The following NME1 variants were observed in gnomAD, a reference collection of about 807,000 sequenced individuals.
The protein encoded by NME1 is nucleoside diphosphate kinase A.
NME1 carries 9 observed loss-of-function variants against 17.2 expected under a neutral mutation model. The ratio of observed to expected loss-of-function variants is 0.52; its 90% CI spans 0.32 to 0.92. The LOEUF (loss-of-function observed/expected upper bound fraction) is 0.92. Among genes scored for constraint, NME1 ranks in the 40% least tolerant of loss-of-function variants. NME1 has a pLI of 0.04. For missense variants in NME1, 169 were observed against 201.7 expected (o/e 0.84, Z 0.98); for synonymous variants, 72 against 70.8 (o/e 1.02, Z -0.09).
chr17:51,161,056 AT>A (rs2049857282), intron 3 of NME1, 103 bp from the exon 4 acceptor site: 1 of 1,146,510 alleles, frequency 8.7e-7, no homozygotes, highest in Admixed American at 2.0e-5. Context: ...AATGAATATA[AT>A]CTTAAGGGGC....
Position 51,161,937 on chromosome 17 carries a change from A to C in NME1, c.*92A>C. 1.3e-5 allele frequency: 11 copies of C among 856,474 alleles called. No homozygotes were observed. Among genetic ancestry groups the C allele is most frequent in the Non-Finnish European group, 2.2e-5 (11 of 501,796 alleles). 53.1% of individuals were successfully genotyped at this position (856,474 alleles called of 1,614,324 possible). Reference sequence around the variant, plus strand: ...TGTAGGAAATCTAGTTATTTACAGGAACTTCATCATAATTTGGAGGGAAGC... The same window carrying C: ...TGTAGGAAATCTAGTTATTTACAGGCACTTCATCATAATTTGGAGGGAAGC... On this transcript the variant is annotated 3_prime_UTR_variant, in exon 5 of 5. Transcript: ENST00000393196.
chr17:51,155,727 A>C lies in NME1; in HGVS notation c.73A>C (p.Ile25Leu), dbSNP rs1277309552. 6.2e-7 allele frequency: 1 copy of C among 1,614,188 alleles called. No homozygotes were observed. Among genetic ancestry groups the C allele is most frequent in the South Asian group, 1.1e-5 (1 of 91,086 alleles). Residue 25 changes from isoleucine (I) to leucine (L), a missense_variant, in exon 2 of 5, where the codon ATC becomes CTC. Physicochemically the swap from Ile to Leu is conservative, Grantham distance 5. Transcript: ENST00000393196. The part of the protein sequence containing the change: ...GVQRGLVGEI[I>L]KRFEQKGFRL... ...CCAGCGGGGTCTTGTGGGAGAGATT[A>C]TCAAGCGTTTTGAGCAGAAAGGATT...
At chr17:51,155,597 C>T (rs1017236409) in intron 1 of NME1, 54 bp from the exon 2 acceptor site, 14 of 1,607,942 alleles carry the variant, frequency 8.7e-6, no homozygotes, top group South Asian at 2.2e-5. Flanking sequence ...AGACGGATGA[C>T]GCTGTAGGCA....
intron 1 of NME1, 112 bp from the exon 2 acceptor site, chr17:51,155,539 G>A: frequency 1.3e-6 from 2 of 1,510,514 alleles, no homozygotes; most frequent in Non-Finnish European, 1.8e-6. Flanking sequence ...AGGGAGACCT[G>A]GAGCTGACCT....
chr17:51,154,134 C>T, intron 1 of NME1: 1 of 517,530 alleles, frequency 1.9e-6, no homozygotes, highest in South Asian at 2.2e-5. Context: ...CGATTCTCCG[C>T]AGTCTTTGGG....
chr17:51,161,648 C>T, intron 4 of NME1, 80 bp from the exon 5 acceptor site: 1 of 1,022,992 alleles, frequency 9.8e-7, no homozygotes, highest in East Asian at 2.4e-5. Context: ...TTTTATGCTG[C>T]TGTGGCTGTA....
At chr17:51,161,138 A>G (rs1234048417) in intron 3 of NME1, 22 bp from the exon 4 acceptor site, 2 of 1,597,814 alleles carry the variant, frequency 1.3e-6, no homozygotes, top group Non-Finnish European at 8.5e-7. Flanking sequence ...TTCTTTGACC[A>G]TATCTTCTTC....
At chr17:51,154,310 G>T in intron 1 of NME1, 1 of 1,478,872 alleles carries the variant, frequency 6.8e-7, no homozygotes, top group South Asian at 1.1e-5. Context: ...ACAGAAAATT[G>T]GACTACAGTG....
chr17:51,156,890 T>TC (rs1392930075), intron 2 of NME1, among the ~76,000 whole-genome samples: 3 of 57,660 alleles, frequency 5.2e-5, no homozygotes, highest in African/African-American at 2.3e-4. Context: ...AAACTCCATC[T>TC]CCAAAAAAAA....
Position 51,162,127 on chromosome 17 carries a change from G to C in NME1, c.*282G>C. On this transcript the variant is annotated 3_prime_UTR_variant, in exon 5 of 5. Coordinates refer to ENST00000393196, the MANE Select transcript of NME1 (RefSeq NM_000269.3). ...TGAATAACCTGACCTAATAGAGAGT[G>C]TAAATACTATAAAAATGATTTATTT... The C allele has an allele frequency of 5.9e-6, 2 of 337,518 alleles. No homozygotes were observed. The highest frequency in any genetic ancestry group is 1.1e-5 in the Non-Finnish European group (2 of 178,888). The allele number at this position is 337,518 out of a possible 1,614,324, so 20.9% of individuals were successfully genotyped here. A position where few individuals can be genotyped will look rare whatever the true frequency, so the allele number is the denominator to read the frequency against.
intron 1 of NME1, chr17:51,154,245 A>G (rs1347553861): frequency 3.7e-6 from 3 of 820,952 alleles, no homozygotes; most frequent in Non-Finnish European, 6.5e-6. Flanking sequence ...TAGGTACCAT[A>G]GAGTCTCTAC....
At chr17:51,158,121 A>T (rs1248936876) in intron 2 of NME1, among the ~76,000 whole-genome samples, 2 of 152,182 alleles carry the variant, frequency 1.3e-5, no homozygotes, top group Non-Finnish European at 2.9e-5. Flanking sequence ...CTCTACTAAA[A>T]ATACAAAATT....
rs1408431794 is a variant in NME1, at chr17:51,161,233, C to G, written c.302C>G (p.Pro101Arg). The change falls in exon 4 of 5, where the codon CCT (proline) becomes CGT (arginine). Residue 101 changes from proline to arginine, a missense_variant. Pro to Arg is a moderately radical substitution (Grantham distance 103, BLOSUM62 -2). Transcript: ENST00000393196. ...GAGACCAACCCTGCAGACTCCAAGC[C>G]TGGGACCATCCGTGGAGACTTCTGC... ...LGETNPADSK[P>R]GTIRGDFCIQ... is the part of the protein sequence containing the mutation. 1.2e-6 allele frequency: 2 copies of G among 1,612,816 alleles called. No homozygotes were observed. Among genetic ancestry groups the G allele is most frequent in the East Asian group, 4.5e-5 (2 of 44,862 alleles).
At chr17:51,161,457 T>C in intron 4 of NME1, 185 bp downstream of exon 4, 1 of 699,192 alleles carries the variant, frequency 1.4e-6, no homozygotes, top group South Asian at 1.7e-5. Context: ...CGTACCTCTG[T>C]TACACGAAGT....
chr17:51,154,206 T>A, intron 1 of NME1: 3 of 620,168 alleles, frequency 4.8e-6, no homozygotes, highest in Non-Finnish European at 5.9e-6. Flanking sequence ...TGATTTTCTT[T>A]GCTCCTATTG....
At chr17:51,154,725 T>C (rs942931381) in intron 1 of NME1, among the ~76,000 whole-genome samples, 2 of 152,190 alleles carry the variant, frequency 1.3e-5, no homozygotes, top group African/African-American at 4.8e-5. Flanking sequence ...TGTAAAGATA[T>C]ATTCTCTAAA....
At chr17:51,159,008 G>C (rs191351369) in intron 2 of NME1, among the ~76,000 whole-genome samples, 2 of 152,320 alleles carry the variant, frequency 1.3e-5, no homozygotes, top group Admixed American at 1.3e-4. Flanking sequence ...TTTATCCTCT[G>C]AATAAACGTG....
chr17:51,154,509 T>A, intron 1 of NME1: 3 of 1,371,554 alleles, frequency 2.2e-6, no homozygotes, highest in Non-Finnish European at 3.1e-6. Flanking sequence ...TCTCTAGGCT[T>A]CCTTTCAGTA....
chr17:51,158,940 G>T (rs2049825610), intron 2 of NME1, among the ~76,000 whole-genome samples: 1 of 152,162 alleles, frequency 6.6e-6, no homozygotes, highest in African/African-American at 2.4e-5. Context: ...TAGATGTCAT[G>T]CACTTTTGGG....
Sources: gnomAD v4.1 joint callset for allele counts (sites outside exome capture counted in the v4.1 genomes callset) on GRCh38, gnomAD v4.1.1 for gene constraint, MANE v1.5 for transcripts, NCBI Gene and HGNC (gene_info 2026-07-23, HGNC 2026-07-21) for gene names.